The following INTS7 variants were observed in gnomAD, a reference collection of about 807,000 sequenced individuals.
INTS7 encodes integrator complex subunit 7.
INTS7 carries 46 observed loss-of-function variants against 109.2 expected under a neutral mutation model. The ratio of observed to expected loss-of-function variants is 0.42; its 90% CI spans 0.33 to 0.54. The LOEUF is 0.54. Among genes scored for constraint, INTS7 ranks in the 20% least tolerant of loss-of-function variants. The pLI, the probability that INTS7 is intolerant of heterozygous loss-of-function variation, is 0.07. For missense variants in INTS7, 929 were observed against 1,132.4 expected (o/e 0.82, Z 2.58); for synonymous variants, 412 against 402.9 (o/e 1.02, Z -0.27).
intron 7 of INTS7, among the ~76,000 whole-genome samples, chr1:212,004,113 G>A (rs753122996): frequency 1.3e-5 from 2 of 152,224 alleles, no homozygotes; most frequent in Non-Finnish European, 2.9e-5. Flanking sequence ...CGGAGGCTGA[G>A]GCAGGTGGAT....
At chr1:212,004,097 C>G (rs1665796617) in intron 7 of INTS7, among the ~76,000 whole-genome samples, 1 of 152,214 alleles carries the variant, frequency 6.6e-6, no homozygotes, top group Admixed American at 6.5e-5. Context: ...GTAATCTCAG[C>G]ACTTTCGGAG....
At chr1:212,010,027 G>A (rs1377155153) in intron 5 of INTS7, among the ~76,000 whole-genome samples, 1 of 152,204 alleles carries the variant, frequency 6.6e-6, no homozygotes, top group Non-Finnish European at 1.5e-5. Context: ...CCTTAGAAGG[G>A]CACAGTAGCA....
chr1:211,952,128 G>A (rs1663120334), intron 17 of INTS7, among the ~76,000 whole-genome samples: 1 of 152,162 alleles, frequency 6.6e-6, no homozygotes, highest in Non-Finnish European at 1.5e-5. Context: ...CAGCATGACA[G>A]AATCACCTGA....
At chr1:211,968,228 C>T (rs551083996) in intron 14 of INTS7, among the ~76,000 whole-genome samples, 4 of 152,120 alleles carry the variant, frequency 2.6e-5, no homozygotes, top group East Asian at 3.9e-4. Flanking sequence ...TGTATTTTAG[C>T]GTCTTCAAGT....
chr1:211,969,128 CAA>C (rs961456245), intron 13 of INTS7, among the ~76,000 whole-genome samples: 1 of 151,746 alleles, frequency 6.6e-6, no homozygotes, highest in Admixed American at 6.6e-5. Context: ...ATTAAAAATA[CAA>C]AAAAATTAGC....
chr1:212,019,579 G>A (rs1317145103), intron 3 of INTS7, among the ~76,000 whole-genome samples: 1 of 152,036 alleles, frequency 6.6e-6, no homozygotes, highest in Non-Finnish European at 1.5e-5. Flanking sequence ...AAATGGCAGA[G>A]CTAAAAAGAG....
intron 11 of INTS7, 119 bp from the exon 12 acceptor site, chr1:211,976,838 T>C: frequency 1.2e-6 from 1 of 856,910 alleles, no homozygotes; most frequent in African/African-American, 1.7e-5. Flanking sequence ...AAAATTTGTT[T>C]TCCAATGACA....
rs974237949 is a variant in INTS7, at chr1:212,021,031, C to T, written c.224+52G>A. 4 of 1,516,460 alleles carry T rather than the reference C, an allele frequency of 2.6e-6. 1 individual carries two copies. Among genetic ancestry groups the T allele is most frequent in the African/African-American group, 2.8e-5 (2 of 70,608 alleles). The allele number at this position is 1,516,460 out of a possible 1,614,324, so 93.9% of individuals were successfully genotyped here. Reference sequence around the variant, plus strand: ...AAAAGAAAAAGACCACAATATAAAACAAGAAATATGAACAAAGTACTTTAG... The same window carrying T: ...AAAAGAAAAAGACCACAATATAAAATAAGAAATATGAACAAAGTACTTTAG... On this transcript the variant is annotated intron_variant, in intron 2 of 19. Transcript: ENST00000366994.
intron 4 of INTS7, 95 bp downstream of exon 4, chr1:212,016,791 A>C: frequency 5.5e-6 from 5 of 911,690 alleles, no homozygotes; most frequent in Non-Finnish European, 8.4e-6. Flanking sequence ...ACTTTCCTGT[A>C]TCTCTCAGTG....
chr1:212,023,577 C>T (rs1460565555), intron 1 of INTS7, among the ~76,000 whole-genome samples: 3 of 151,914 alleles, frequency 2.0e-5, no homozygotes, highest in Admixed American at 6.6e-5. Flanking sequence ...TGTCCTTTGC[C>T]CACTTTTTAA....
At position 212,035,377 on chromosome 1, in the gene INTS7, C is replaced by T; in HGVS notation, c.61G>A (p.Asp21Asn). 1 of 1,613,546 alleles carries T rather than the reference C, an allele frequency of 6.2e-7. No individual in the cohort carries two copies. The highest frequency in any genetic ancestry group is 8.5e-7 in the Non-Finnish European group (1 of 1,179,384). ...ADAGYGEQEL[D>N]ANSALMELDK... ...AATTCCATAAGGGCAGAGTTGGCAT[C>T]CAGTTCCTGTTCGCCATAGCCGGCA... is the stretch of plus-strand genomic sequence containing the variant. Residue 21 changes from aspartate to asparagine, a missense_variant, in exon 1 of 20, where the codon GAT becomes AAT. Coordinates refer to ENST00000366994, the MANE Select transcript of INTS7 (RefSeq NM_015434.4).
At chr1:212,024,222 GT>G (rs969773122) in intron 1 of INTS7, among the ~76,000 whole-genome samples, 14 of 149,738 alleles carry the variant, frequency 9.3e-5, no homozygotes, top group Middle Eastern at 3.5e-3. Flanking sequence ...TTTTAGAAGA[GT>G]TTTTTTTTTC....
chr1:212,007,836 T>C (rs1477092425), intron 5 of INTS7, among the ~76,000 whole-genome samples: 1 of 152,204 alleles, frequency 6.6e-6, no homozygotes, highest in Non-Finnish European at 1.5e-5. Context: ...TGATTTTAAT[T>C]ATTTCCTTCA....
intron 5 of INTS7, among the ~76,000 whole-genome samples, chr1:212,007,878 C>CT (rs1361187545): frequency 6.6e-6 from 1 of 152,128 alleles, no homozygotes; most frequent in Admixed American, 6.5e-5. Flanking sequence ...TGTGAATAAA[C>CT]TGTGTGTAGA....
At chr1:211,953,237 C>T (rs1181894883) in intron 16 of INTS7, among the ~76,000 whole-genome samples, 1 of 152,086 alleles carries the variant, frequency 6.6e-6, no homozygotes, top group Non-Finnish European at 1.5e-5. Flanking sequence ...AGATGAAACG[C>T]ATAGGCACGT....
intron 7 of INTS7, among the ~76,000 whole-genome samples, chr1:212,001,064 CTTTTTT>C (rs71137715): frequency 3.3e-5 from 4 of 122,850 alleles, no homozygotes; most frequent in Non-Finnish European, 3.4e-5. Context: ...GGCAGAATTC[CTTTTTT>C]TTTTTTTTTT....
chr1:211,962,900 A>C (rs184660702), intron 16 of INTS7, among the ~76,000 whole-genome samples: 1 of 152,208 alleles, frequency 6.6e-6, no homozygotes, highest in Admixed American at 6.5e-5. Flanking sequence ...GTACAGCACT[A>C]AACACCTACA....
At position 212,020,126 on chromosome 1, in the gene INTS7, G is replaced by A; in HGVS notation, c.367C>T (p.Leu123Phe). 1.3e-6 allele frequency: 2 copies of A among 1,595,292 alleles called. No individual in the cohort carries two copies. The highest frequency in any genetic ancestry group is 1.7e-6 in the Non-Finnish European group (2 of 1,170,440). ...SNDPVARAIT[L>F]RMLGSLASII... is the part of the protein sequence containing the mutation. ...TTATTATAATACGGTATATACCGGA[G>A]GGTGATGGCTCTTGCCACAGGATCA... Residue 123 changes from leucine to phenylalanine, a missense_variant, in exon 3 of 20, where the codon CTC becomes TTC. Around this residue, in one of 2 missense-constraint regions of INTS7, gnomAD observed 142 missense variants for 231.4 expected, o/e 0.61. Transcript: ENST00000366994.
intron 7 of INTS7, among the ~76,000 whole-genome samples, chr1:212,005,403 T>C (rs991974246): frequency 6.6e-6 from 1 of 152,220 alleles, no homozygotes; most frequent in African/African-American, 2.4e-5. Flanking sequence ...TGTGATCCTG[T>C]AATGTTCTAT....
Sources: gnomAD v4.1 joint callset for allele counts (sites outside exome capture counted in the v4.1 genomes callset) on GRCh38, gnomAD v4.1.1 for gene constraint, gnomAD v4.1.1 regional missense constraint, MANE v1.5 for transcripts, NCBI Gene and HGNC (gene_info 2026-07-23, HGNC 2026-07-21) for gene names.